The following PREX2 variants were observed in gnomAD, a reference collection of about 807,000 sequenced individuals.
The protein encoded by PREX2 is phosphatidylinositol 3,4,5-trisphosphate-dependent Rac exchanger 2 protein.
A neutral mutation model predicts 203.2 loss-of-function variants in PREX2; 107 were observed. That is an observed-to-expected ratio of 0.53 (90% confidence interval 0.45 to 0.62). The LOEUF (loss-of-function observed/expected upper bound fraction) is 0.62, where lower values mean the gene tolerates loss of function less well. PREX2 is among the 20% of genes least tolerant of loss of function. PREX2 has a pLI of 0.00. For missense variants in PREX2, 1,777 were observed against 1,955.9 expected (o/e 0.91, Z 1.72); for synonymous variants, 672 against 663.6 (o/e 1.01, Z -0.19).
At chr8:68,046,466 A>G (rs1027468294) in intron 8 of PREX2, among the ~76,000 whole-genome samples, 1 of 152,090 alleles carries the variant, frequency 6.6e-6, no homozygotes, top group African/African-American at 2.4e-5. Flanking sequence ...CTTGGATTCA[A>G]TTCGACCTGA....
intron 18 of PREX2, among the ~76,000 whole-genome samples, chr8:68,085,382 T>A (rs1012895283): frequency 2.6e-5 from 4 of 152,224 alleles, no homozygotes; most frequent in Non-Finnish European, 5.9e-5. Context: ...AATAAATGAC[T>A]TTTCCTTTAT....
chr8:68,096,418 A>G (rs1046874682), intron 21 of PREX2, among the ~76,000 whole-genome samples: 3 of 152,038 alleles, frequency 2.0e-5, no homozygotes, highest in African/African-American at 7.2e-5. Context: ...GATTTTAGGT[A>G]TTTTTCACCA....
chr8:68,057,036 C>T (rs1808699351), intron 10 of PREX2, among the ~76,000 whole-genome samples: 1 of 152,142 alleles, frequency 6.6e-6, no homozygotes, highest in African/African-American at 2.4e-5. Flanking sequence ...CCACCCAAAT[C>T]TCATCTTGAG....
rs1472863482 is a variant in PREX2 at position 68,080,542 on chromosome 8, A to G, written c.1742A>G (p.His581Arg). The G allele has an allele frequency of 3.7e-6, 6 of 1,610,568 alleles. No homozygotes were observed. The highest frequency in any genetic ancestry group is 4.2e-6 in the Non-Finnish European group (5 of 1,177,208). ...GSNMKHRLMK[H>R]DLKVVENVIA... The stretch of plus-strand genomic sequence containing the variant: ...AATATGAAACATCGACTTATGAAAC[A>G]TGACTTAAAAGTTGTGGAAAATGTT... Residue 581 changes from histidine (H) to arginine (R), a missense_variant, in exon 16 of 40, where the codon CAT becomes CGT. By Grantham distance (29) the His-to-Arg change is conservative. Coordinates refer to ENST00000288368, the MANE Select transcript of PREX2 (RefSeq NM_024870.4).
chr8:68,003,650 C>G (rs1257376502), intron 1 of PREX2, among the ~76,000 whole-genome samples: 2 of 152,052 alleles, frequency 1.3e-5, no homozygotes. Context: ...TACTCAAATT[C>G]TGTGATTTTT....
intron 21 of PREX2, among the ~76,000 whole-genome samples, chr8:68,094,738 AC>A (rs752016037): frequency 5.3e-5 from 8 of 152,310 alleles, no homozygotes; most frequent in Non-Finnish European, 1.2e-4. Context: ...CCCCATACCA[AC>A]CAATTCCCCA....
At chr8:68,046,552 G>C (rs1160950662) in intron 8 of PREX2, among the ~76,000 whole-genome samples, 3 of 152,026 alleles carry the variant, frequency 2.0e-5, no homozygotes, top group Non-Finnish European at 2.9e-5. Context: ...TGGAAGGCAG[G>C]GCCTAAGACC....
intron 1 of PREX2, among the ~76,000 whole-genome samples, chr8:67,986,791 G>A (rs1040796927): frequency 2.0e-5 from 3 of 152,032 alleles, no homozygotes; most frequent in Admixed American, 1.3e-4. Flanking sequence ...ACTCTTTTTG[G>A]CTCTTGTCAG....
chr8:67,971,359 G>A lies in PREX2; in HGVS notation c.141+18824G>A, dbSNP rs535022274. On this transcript the variant is annotated intron_variant, in intron 1 of 39. Transcript: ENST00000288368. ...GGAATATTGCTGATGCTTGGACCTC[G>A]GTCCAGACCAGCTTAATTAGAATCT... is the stretch of plus-strand genomic sequence containing the variant. Among the ~76,000 whole-genome samples the A allele has an allele frequency of 2.0e-5, 3 of 152,224 alleles. No homozygotes were observed. In the East Asian group the frequency reaches 5.8e-4, roughly 29 times the overall value.
intron 19 of PREX2, 65 bp downstream of exon 19, chr8:68,087,874 G>T: frequency 1.9e-6 from 2 of 1,036,060 alleles, no homozygotes; most frequent in Admixed American, 3.4e-5. Flanking sequence ...GATGGAACAG[G>T]AATGTGTTTA....
Position 68,232,651 on chromosome 8 carries a change from C to T in PREX2, c.*1273C>T, listed in dbSNP as rs191007157. 1.3e-5 allele frequency: 2 copies of T among 152,222 alleles called. No individual in the cohort carries two copies. Among genetic ancestry groups the T allele is most frequent in the East Asian group, 1.9e-4 (1 of 5,176 alleles). 9.4% of individuals were successfully genotyped at this position (152,222 alleles called of 1,614,324 possible). On this transcript the variant is annotated 3_prime_UTR_variant, in exon 40 of 40. Coordinates refer to ENST00000288368, the MANE Select transcript of PREX2 (RefSeq NM_024870.4). ...TTTTATTTTTTGAAACTGAGTCTCA[C>T]TCTGTTACCCAGACTGGAGTGCGGT...
At chr8:67,952,564 C>T (rs759846518) in intron 1 of PREX2, 29 bp downstream of exon 1, 2 of 1,598,680 alleles carry the variant, frequency 1.3e-6, no homozygotes, top group African/African-American at 1.3e-5. Flanking sequence ...CGCAGGGGGA[C>T]GTCCGGGCGG....
intron 1 of PREX2, among the ~76,000 whole-genome samples, chr8:67,992,764 C>T (rs1021232343): frequency 1.3e-5 from 2 of 152,128 alleles, no homozygotes; most frequent in Admixed American, 6.6e-5. Context: ...GGTGCAGATT[C>T]CTTTAGTTTG....
chr8:68,233,055 G>C lies in PREX2; in HGVS notation c.*1677G>C, dbSNP rs1194623728. The C allele has an allele frequency of 1.3e-5, 2 of 152,120 alleles. No homozygotes were observed. Among genetic ancestry groups the C allele is most frequent in the African/African-American group, 4.8e-5 (2 of 41,408 alleles). 9.4% of individuals were successfully genotyped at this position (152,120 alleles called of 1,614,324 possible). A position where few individuals can be genotyped will look rare whatever the true frequency, so the allele number is the denominator to read the frequency against. ...GCAATATGTGTATACTACTAGGTAA[G>C]GTAATAATAATTGTTATTTGGCACA... On this transcript the variant is annotated 3_prime_UTR_variant, in exon 40 of 40. Coordinates refer to ENST00000288368, the MANE Select transcript of PREX2 (RefSeq NM_024870.4).
chr8:67,962,990 C>T (rs1211902242), intron 1 of PREX2, among the ~76,000 whole-genome samples: 1 of 152,156 alleles, frequency 6.6e-6, no homozygotes, highest in East Asian at 1.9e-4. Context: ...TGTACCACTT[C>T]ATAATGAAAC....
chr8:68,138,399 T>TTTTC lies in PREX2; in HGVS notation c.3985-8_3985-5dup. ...TATATCATCTTGTATTATATATTGT[T>TTTTC]TTTCTTTCTTTGTAGACAGATGAAC... On this transcript the variant is annotated splice_polypyrimidine_tract_variant and intron_variant, in intron 32 of 39. Coordinates refer to ENST00000288368, the MANE Select transcript of PREX2 (RefSeq NM_024870.4). 7.2e-7 allele frequency: 1 copy of TTTTC among 1,389,748 alleles called. No individual in the cohort carries two copies. Among genetic ancestry groups the TTTTC allele is most frequent in the Non-Finnish European group, 1.0e-6 (1 of 996,406 alleles). The allele number at this position is 1,389,748 out of a possible 1,614,324, so 86.1% of individuals were successfully genotyped here.
chr8:68,214,427 G>A (rs1812795954), intron 37 of PREX2, among the ~76,000 whole-genome samples: 1 of 152,120 alleles, frequency 6.6e-6, no homozygotes, highest in South Asian at 2.1e-4. Flanking sequence ...CCTATTGAAT[G>A]AGGGTTCCTG....
At chr8:68,119,370 G>T (rs1171818854) in intron 27 of PREX2, 62 bp from the exon 28 acceptor site, 2 of 964,558 alleles carry the variant, frequency 2.1e-6, no homozygotes, top group Non-Finnish European at 3.4e-6. Flanking sequence ...ACAATATTTT[G>T]GTACGTTAAA....
At chr8:68,137,934 G>A (rs1422028299) in intron 32 of PREX2, among the ~76,000 whole-genome samples, 2 of 152,184 alleles carry the variant, frequency 1.3e-5, no homozygotes, top group Non-Finnish European at 2.9e-5. Context: ...CATTAAAATT[G>A]ATTTTAATCA....
Sources: allele counts gnomAD v4.1 joint callset (sites outside exome capture counted in the v4.1 genomes callset), GRCh38; gene constraint gnomAD v4.1.1; transcripts MANE v1.5; gene names NCBI Gene and HGNC (gene_info 2026-07-23, HGNC 2026-07-21).